TAFA2: variants seen among roughly 807,000 people sequenced by gnomAD.
TAFA2 encodes TAFA chemokine like family member 2, also known as chemokine-like protein TAFA-2.
Under a neutral mutation model 18.8 loss-of-function variants are expected in TAFA2, and 7 were observed. The ratio of observed to expected loss-of-function variants is 0.37; its 90% CI spans 0.21 to 0.70. TAFA2 has a LOEUF of 0.70. TAFA2 is among the 30% of genes least tolerant of loss of function. The pLI is 0.53. For missense variants in TAFA2, 122 were observed against 158.1 expected, an observed-to-expected ratio of 0.77 and a Z score of 1.23; for synonymous variants, 60 against 54.2, an observed-to-expected ratio of 1.11 and a Z score of -0.47.
chr12:62,058,092 C>T (rs1406698026), intron 1 of TAFA2, among the ~76,000 whole-genome samples: 1 of 152,144 alleles, frequency 6.6e-6, no homozygotes, highest in Non-Finnish European at 1.5e-5. Context: ...ACATTGTTTT[C>T]TTTTAATAAT....
chr12:61,916,800 G>A (rs868193829), intron 1 of TAFA2, among the ~76,000 whole-genome samples: 1 of 152,172 alleles, frequency 6.6e-6, no homozygotes, highest in South Asian at 2.1e-4. Flanking sequence ...TAGAATCACA[G>A]TGAAAATATC....
At chr12:62,257,180 G>A (rs141974303) in intron 1 of TAFA2, among the ~76,000 whole-genome samples, 18 of 12,264 alleles carry the variant, frequency 1.5e-3, no homozygotes, top group East Asian at 3.2e-3. Context: ...GTGTGTGTGT[G>A]TGTGTGTGTG....
intron 3 of TAFA2, 99 bp downstream of exon 3, chr12:61,754,773 C>T (rs982558519): frequency 7.6e-6 from 9 of 1,188,628 alleles, no homozygotes; most frequent in Middle Eastern, 5.8e-4. Context: ...GTAGTATGTT[C>T]ACCCAGGATT....
chr12:61,876,943 T>C (rs1874874913), intron 1 of TAFA2, among the ~76,000 whole-genome samples: 2 of 152,218 alleles, frequency 1.3e-5, no homozygotes, highest in African/African-American at 4.8e-5. Context: ...CCACACACTT[T>C]TATAACTACA....
intron 2 of TAFA2, among the ~76,000 whole-genome samples, chr12:61,864,698 G>A (rs1393929164): frequency 2.0e-5 from 3 of 150,070 alleles, no homozygotes; most frequent in East Asian, 2.0e-4. Context: ...GCGTGAACCC[G>A]GGAGGCGGAG....
chr12:62,143,274 G>A (rs1030484132), intron 1 of TAFA2, among the ~76,000 whole-genome samples: 1 of 152,128 alleles, frequency 6.6e-6, no homozygotes, highest in Non-Finnish European at 1.5e-5. Context: ...ACCCCCTTCA[G>A]CAGAAGAATC....
At chr12:62,109,487 T>C (rs1271737585) in intron 1 of TAFA2, among the ~76,000 whole-genome samples, 1 of 152,204 alleles carries the variant, frequency 6.6e-6, no homozygotes, top group Non-Finnish European at 1.5e-5. Flanking sequence ...TCACATGAAA[T>C]TTAAAGTGGT....
At chr12:61,936,115 A>T (rs1313090750) in intron 1 of TAFA2, among the ~76,000 whole-genome samples, 1 of 152,214 alleles carries the variant, frequency 6.6e-6, no homozygotes, top group Non-Finnish European at 1.5e-5. Flanking sequence ...ATAACACATA[A>T]AAAAGATAAT....
intron 1 of TAFA2, among the ~76,000 whole-genome samples, chr12:62,236,873 GA>G (rs2062840137): frequency 6.6e-6 from 1 of 152,010 alleles, no homozygotes; most frequent in Non-Finnish European, 1.5e-5. Flanking sequence ...ACTACTTTTA[GA>G]ATCCCATCTT....
At chr12:61,766,927 T>C (rs1286829508) in intron 2 of TAFA2, among the ~76,000 whole-genome samples, 2 of 152,058 alleles carry the variant, frequency 1.3e-5, no homozygotes, top group Non-Finnish European at 2.9e-5. Flanking sequence ...AAACCCTGGA[T>C]GGGGAGGTAA....
intron 1 of TAFA2, among the ~76,000 whole-genome samples, chr12:61,871,178 T>C (rs1297526482): frequency 2.0e-5 from 3 of 152,198 alleles, no homozygotes; most frequent in African/African-American, 7.2e-5. Context: ...CAATCTTCAA[T>C]GTGTTTTATT....
intron 1 of TAFA2, among the ~76,000 whole-genome samples, chr12:62,143,327 A>C (rs968658687): frequency 6.6e-6 from 1 of 152,174 alleles, no homozygotes; most frequent in East Asian, 1.9e-4. Context: ...TCCTAATTGC[A>C]TTTGCAAATT....
rs183576291 is a variant in TAFA2, at chr12:62,021,982, C to G, written c.-1-154556G>C. The G allele has an allele frequency of 5.9e-6, 4 of 682,408 alleles. No homozygotes were observed. In the African/African-American group the frequency reaches 7.1e-5, roughly 12 times the overall value. The allele number at this position is 682,408 out of a possible 1,614,324, so 42.3% of individuals were successfully genotyped here. ...AGCAAGCCCTCCTAGGAGCTTGTAA[C>G]GCAGAGACTCTGCCTGGGCAATGGC... On this transcript the variant is annotated intron_variant, in intron 1 of 4. Transcript: ENST00000416284.
intron 2 of TAFA2, among the ~76,000 whole-genome samples, chr12:61,784,039 G>T (rs1046853686): frequency 6.6e-6 from 1 of 151,472 alleles, no homozygotes; most frequent in East Asian, 2.0e-4. Flanking sequence ...TATGAAAATA[G>T]CATAACCTAT....
At chr12:61,815,405 G>A (rs780343200) in intron 2 of TAFA2, among the ~76,000 whole-genome samples, 2 of 151,286 alleles carry the variant, frequency 1.3e-5, no homozygotes, top group East Asian at 1.9e-4. Context: ...GGTGGCTCAC[G>A]CCTGTAATCC....
chr12:61,923,251 C>G lies in TAFA2; in HGVS notation c.-1-55825G>C, dbSNP rs142117586. ...AGCTGAAGATCTGTTAAGCAACAGA[C>G]TGCCTCCTCAAGTGAGTCCCTGATC... On this transcript the variant is annotated intron_variant, in intron 1 of 4. Transcript: ENST00000416284. Among the ~76,000 whole-genome samples, 221 of 152,342 alleles carry G rather than the reference C, an allele frequency of 1.5e-3. 1 individual carries two copies. Among genetic ancestry groups the G allele is most frequent in the African/African-American group, 5.1e-3 (212 of 41,586 alleles).
chr12:62,249,809 A>G (rs1303903644), intron 1 of TAFA2, among the ~76,000 whole-genome samples: 2 of 152,148 alleles, frequency 1.3e-5, no homozygotes, highest in Non-Finnish European at 2.9e-5. Context: ...AAGAGTTTCC[A>G]TCTCCATCTC....
rs141631864 is a variant in TAFA2, at chr12:61,719,715, C to T, written c.385-9298G>A. Among the ~76,000 whole-genome samples, 848 of 152,170 alleles carry T rather than the reference C, an allele frequency of 5.6e-3. 12 individuals carry two copies. The highest frequency in any genetic ancestry group is 0.019 in the African/African-American group (803 of 41,528). ...CTATGAATTGATTTTGTTTGTGCAG[C>T]GGGCAAGAAGAACCCTTAGGGCGGT... On this transcript the variant is annotated intron_variant, in intron 4 of 4. Coordinates refer to ENST00000416284, the MANE Select transcript of TAFA2 (RefSeq NM_178539.5).
In TAFA2 at chr12:61,793,324, C is replaced by A. The variant is rs554607756; in HGVS notation, c.107-38300G>T. Among the ~76,000 whole-genome samples the A allele has an allele frequency of 3.3e-5, 5 of 151,120 alleles. 1 individual carries two copies. Among genetic ancestry groups the A allele is most frequent in the Admixed American group, 3.3e-4 (5 of 15,174 alleles). On this transcript the variant is annotated intron_variant, in intron 2 of 4. Coordinates refer to ENST00000416284, the MANE Select transcript of TAFA2 (RefSeq NM_178539.5). ...ATATCAATAAAACCAAAATATGATT[C>A]TTTGAAAAATTCAATAAAATTCATA...
Sources: gnomAD v4.1 joint callset for allele counts (sites outside exome capture counted in the v4.1 genomes callset) on GRCh38, gnomAD v4.1.1 for gene constraint, MANE v1.5 for transcripts, NCBI Gene and HGNC (gene_info 2026-07-23, HGNC 2026-07-21) for gene names.